GLB1L3: variants seen among roughly 807,000 people sequenced by gnomAD.
GLB1L3 encodes beta-galactosidase-1-like protein 3.
Under a neutral mutation model 89.5 loss-of-function variants are expected in GLB1L3, and 89 were observed. The observed-to-expected ratio is 0.99, with a 90% CI of 0.84 to 1.19. GLB1L3 has a LOEUF of 1.19. Among genes scored for constraint, GLB1L3 ranks in the 50% most tolerant of loss-of-function variants. The pLI is 0.00. For synonymous variants in GLB1L3, 314 were observed against 312.3 expected (o/e 1.01, Z -0.06); for missense variants, 812 against 813.3 (o/e 1.00, Z 0.02).
At chr11:134,305,080 T>C in intron 9 of GLB1L3, 1 of 1,547,720 alleles carries the variant, frequency 6.5e-7, no homozygotes, top group Non-Finnish European at 8.7e-7. Flanking sequence ...ATTCTTATCT[T>C]TACCCATCTT....
At chr11:134,315,213 ATAAT>A (rs909961411) in intron 18 of GLB1L3, among the ~76,000 whole-genome samples, 116 of 152,342 alleles carry the variant, frequency 7.6e-4, no homozygotes, top group African/African-American at 2.3e-3. Flanking sequence ...ATACATTATA[ATAAT>A]TTATTTAACC....
chr11:134,304,099 G>A (rs957454669), intron 9 of GLB1L3, among the ~76,000 whole-genome samples: 1 of 152,050 alleles, frequency 6.6e-6, no homozygotes, highest in Non-Finnish European at 1.5e-5. Context: ...TTCCCAGGTA[G>A]TAGTTCTTCA....
In GLB1L3 at chr11:134,293,623, C is replaced by T. The variant is rs140473442; in HGVS notation, c.876+414C>T. Among the ~76,000 whole-genome samples, 9 of 152,226 alleles carry T rather than the reference C, an allele frequency of 5.9e-5. 1 individual carries two copies. Among genetic ancestry groups the T allele is most frequent in the African/African-American group, 1.9e-4 (8 of 41,550 alleles). Reference sequence around the variant, plus strand: ...GGGTTGTACCTGCACTGATTTAAGACGTGGATTGAGCGGCTCCCACCTTCT... The same window carrying T: ...GGGTTGTACCTGCACTGATTTAAGATGTGGATTGAGCGGCTCCCACCTTCT... On this transcript the variant is annotated intron_variant, in intron 9 of 19. Transcript: ENST00000431683.
At chr11:134,305,062 A>G in intron 9 of GLB1L3, 1 of 1,543,592 alleles carries the variant, frequency 6.5e-7, no homozygotes, top group Non-Finnish European at 8.7e-7. Context: ...TGCTGTAGGC[A>G]GGGATGAATT....
chr11:134,318,418 A>T (rs184475086), intron 18 of GLB1L3, among the ~76,000 whole-genome samples: 33 of 152,328 alleles, frequency 2.2e-4, no homozygotes, highest in Admixed American at 3.9e-4. Context: ...CAGGAACAAT[A>T]GCAGCCTTAC....
chr11:134,310,123 G>C, intron 11 of GLB1L3: 1 of 394,350 alleles, frequency 2.5e-6, no homozygotes. Flanking sequence ...TTGAAGGGGT[G>C]TCCACTCTTT....
chr11:134,284,297 C>T (rs1940863187), intron 6 of GLB1L3, among the ~76,000 whole-genome samples: 1 of 151,790 alleles, frequency 6.6e-6, no homozygotes, highest in African/African-American at 2.4e-5. Flanking sequence ...TTTATCAGCA[C>T]AGAAGCAAAT....
chr11:134,277,611 C>G, intron 2 of GLB1L3, 89 bp from the exon 3 acceptor site: 1 of 1,527,692 alleles, frequency 6.5e-7, no homozygotes, highest in Non-Finnish European at 9.0e-7. Flanking sequence ...ACAAAAACTT[C>G]TTTTCGCTAG....
intron 7 of GLB1L3, among the ~76,000 whole-genome samples, chr11:134,290,573 C>T (rs1473511463): frequency 8.9e-6 from 1 of 112,914 alleles, no homozygotes; most frequent in Non-Finnish European, 2.0e-5. Context: ...ACTCGTCCCC[C>T]CCCGCCAAAA....
intron 9 of GLB1L3, among the ~76,000 whole-genome samples, chr11:134,296,710 G>A (rs1267680166): frequency 9.4e-6 from 1 of 106,708 alleles, no homozygotes; most frequent in Admixed American, 1.2e-4. Flanking sequence ...GGGGAGGGGG[G>A]AGGGATAGCA....
At chr11:134,308,422 T>TCAC (rs1942443180) in intron 10 of GLB1L3, among the ~76,000 whole-genome samples, 1 of 36,502 alleles carries the variant, frequency 2.7e-5, no homozygotes, top group South Asian at 8.5e-4. Context: ...ACCACCATCA[T>TCAC]CACCATCACC....
At chr11:134,293,767 C>T (rs959455180) in intron 9 of GLB1L3, among the ~76,000 whole-genome samples, 4 of 152,154 alleles carry the variant, frequency 2.6e-5, no homozygotes, top group African/African-American at 9.7e-5. Flanking sequence ...CCTTTCTCCA[C>T]AGCCTAGCTA....
chr11:134,321,167 C>T (rs1357209133), downstream of GLB1L3, among the ~76,000 whole-genome samples: 3 of 152,140 alleles, frequency 2.0e-5, no homozygotes, highest in African/African-American at 7.2e-5. Flanking sequence ...ACTCTAAGAC[C>T]AGGCAAAAAC....
At chr11:134,297,876 A>AGAG (rs551252047) in intron 9 of GLB1L3, among the ~76,000 whole-genome samples, 1 of 110,840 alleles carries the variant, frequency 9.0e-6, no homozygotes, top group Non-Finnish European at 1.7e-5. Flanking sequence ...AAAAAAAAAA[A>AGAG]AAAGAAAGAA....
chr11:134,322,710 G>A (rs941249302), downstream of GLB1L3, among the ~76,000 whole-genome samples: 8 of 152,098 alleles, frequency 5.3e-5, no homozygotes, highest in African/African-American at 1.4e-4. Flanking sequence ...GTAGCTTAAC[G>A]TTTTCAAGCT....
chr11:134,313,986 T>C lies in GLB1L3; in HGVS notation c.1625T>C (p.Phe542Ser), dbSNP rs375017721. The change falls in exon 17 of 20, where the codon TTT becomes TCT. Residue 542 changes from phenylalanine to serine, a missense_variant. Transcript: ENST00000431683. ...ATCAATAACTCTTCCCTGGAGGGCT[T>C]TACCATCTATTCCCTGGAGATGAAA... ...VSINNSSLEG[F>S]TIYSLEMKMS... The C allele has an allele frequency of 5.6e-6, 9 of 1,612,712 alleles. No homozygotes were observed. The highest frequency in any genetic ancestry group is 7.6e-6 in the Non-Finnish European group (9 of 1,179,262).
intron 8 of GLB1L3, 172 bp from the exon 9 acceptor site, chr11:134,292,973 A>G (rs1941440176): frequency 4.6e-6 from 3 of 654,564 alleles, no homozygotes; most frequent in East Asian, 5.4e-5. Context: ...GGATGTGGCG[A>G]TGGCCGTGGC....
In GLB1L3 at chr11:134,292,216, A is replaced by G. The variant is rs748052188; in HGVS notation, c.811+3A>G. 2 of 1,608,026 alleles carry G rather than the reference A, an allele frequency of 1.2e-6. No homozygotes were observed. Among genetic ancestry groups the G allele is most frequent in the Non-Finnish European group, 1.7e-6 (2 of 1,175,036 alleles). On this transcript the variant is annotated splice_donor_region_variant and intron_variant, in intron 8 of 19. Coordinates refer to ENST00000431683, the MANE Select transcript of GLB1L3 (RefSeq NM_001080407.3). ...GCTGAGTGGCCACACCAAAGGAGGTACACATTTAGAGTTAGTTCACAGGAG... is the reference window on the plus strand; with the variant it reads ...GCTGAGTGGCCACACCAAAGGAGGTGCACATTTAGAGTTAGTTCACAGGAG...
rs1275539840 is a variant in GLB1L3 at position 134,277,369 on chromosome 11, C to G, written c.67C>G (p.Pro23Ala). 6.2e-7 allele frequency: 1 copy of G among 1,613,794 alleles called. No individual in the cohort carries two copies. The highest frequency in any genetic ancestry group is 8.5e-7 in the Non-Finnish European group (1 of 1,179,886). The part of the protein sequence containing the change: ...WKRMAGIFFL[P>A]FISSGFAPRF... ...GAGAATGGCGGGCATCTTTTTCCTG[C>G]CATTTATCTCATCAGGTTTTGCTCC... is the stretch of plus-strand genomic sequence containing the variant. The change falls in exon 2 of 20, where the codon CCA becomes GCA. Residue 23 changes from proline (P) to alanine (A), a missense_variant. Coordinates refer to ENST00000431683, the MANE Select transcript of GLB1L3 (RefSeq NM_001080407.3).
Sources: gnomAD v4.1 joint callset for allele counts (sites outside exome capture counted in the v4.1 genomes callset) on GRCh38, gnomAD v4.1.1 for gene constraint, MANE v1.5 for transcripts, NCBI Gene and HGNC (gene_info 2026-07-23, HGNC 2026-07-21) for gene names.